Variants in ABHD17C observed in about 807,000 individuals in gnomAD.
The protein encoded by ABHD17C is abhydrolase domain containing 17C, depalmitoylase, also known as alpha/beta hydrolase domain-containing protein 17C.
A neutral mutation model predicts 27.9 loss-of-function variants in ABHD17C; 11 were observed. The ratio of observed to expected loss-of-function variants is 0.39; its 90% CI spans 0.25 to 0.65. The LOEUF (loss-of-function observed/expected upper bound fraction) is 0.65, where lower values mean the gene tolerates loss of function less well. Among genes scored for constraint, ABHD17C ranks in the 30% least tolerant of loss-of-function variants. The probability of loss-of-function intolerance (pLI) is 0.45; values close to 1 mark genes in which losing one functional copy is unlikely to be tolerated. For missense variants in ABHD17C, 280 were observed against 470.2 expected (o/e 0.60, Z 3.74); for synonymous variants, 233 against 209.1 (o/e 1.11, Z -0.98).
intron 1 of ABHD17C, among the ~76,000 whole-genome samples, chr15:80,741,125 C>T (rs1245863715): frequency 2.6e-5 from 4 of 152,140 alleles, no homozygotes; most frequent in African/African-American, 4.8e-5. Context: ...TGCTTCTGCT[C>T]GTGCTCCCCT....
chr15:80,751,178 C>A (rs911634192), intron 2 of ABHD17C, among the ~76,000 whole-genome samples: 1 of 148,356 alleles, frequency 6.7e-6, no homozygotes, highest in Admixed American at 6.9e-5. Context: ...GGTGAAACCC[C>A]GTCTCTACTA....
In ABHD17C at chr15:80,754,389, A is replaced by C. The variant is rs1380024439; in HGVS notation, c.*19A>C. The C allele has an allele frequency of 1.3e-6, 2 of 1,592,466 alleles. No individual in the cohort carries two copies. The highest frequency in any genetic ancestry group is 2.2e-5 in the South Asian group (2 of 89,168). The stretch of plus-strand genomic sequence containing the variant: ...TTCCTGAAGACAACAACTTGATCTT[A>C]CCTCATTTACTGTGAACAGAAGAGT... On this transcript the variant is annotated 3_prime_UTR_variant, in exon 3 of 3. Coordinates refer to ENST00000258884, the MANE Select transcript of ABHD17C (RefSeq NM_021214.2).
At position 80,751,310 on chromosome 15, in the gene ABHD17C, A is replaced by T. The variant is rs145230741; in HGVS notation, c.770+1618A>T. On this transcript the variant is annotated intron_variant, in intron 2 of 2. Coordinates refer to ENST00000258884, the MANE Select transcript of ABHD17C (RefSeq NM_021214.2). ...AGGAGGCGGAGGTTGCAGTGAGCCGAGATCGCACCACTTCACTCCAGCCTA... is the reference window on the plus strand; with the variant it reads ...AGGAGGCGGAGGTTGCAGTGAGCCGTGATCGCACCACTTCACTCCAGCCTA... 3.3e-3 allele frequency among the ~76,000 whole-genome samples: 495 copies of T among 152,248 alleles called. 8 individuals carry two copies. In the East Asian group the frequency reaches 0.064, roughly 20 times the overall value.
chr15:80,715,520 G>A (rs1023187136), intron 1 of ABHD17C, among the ~76,000 whole-genome samples: 2 of 152,194 alleles, frequency 1.3e-5, no homozygotes, highest in African/African-American at 4.8e-5. Flanking sequence ...TGTTTGCAAA[G>A]TGCTTACATG....
intron 1 of ABHD17C, among the ~76,000 whole-genome samples, chr15:80,702,164 G>T (rs1894582282): frequency 6.6e-6 from 1 of 152,234 alleles, no homozygotes; most frequent in Non-Finnish European, 1.5e-5. Flanking sequence ...TTCATTTAGT[G>T]CACTCTTAGA....
At chr15:80,752,541 C>T (rs996858895) in intron 2 of ABHD17C, among the ~76,000 whole-genome samples, 2 of 152,230 alleles carry the variant, frequency 1.3e-5, no homozygotes, top group Non-Finnish European at 2.9e-5. Flanking sequence ...ATTCCTCTCT[C>T]ACTGTGTTTC....
chr15:80,735,096 T>C (rs1895111230), intron 1 of ABHD17C, among the ~76,000 whole-genome samples: 1 of 152,188 alleles, frequency 6.6e-6, no homozygotes, highest in Non-Finnish European at 1.5e-5. Context: ...CTTGTCTTCC[T>C]CTGCACTGTG....
In ABHD17C at chr15:80,705,121, G is replaced by A. The variant is rs541864124; in HGVS notation, c.590+9102G>A. The A allele has an allele frequency of 5.9e-5, 9 of 152,858 alleles. No homozygotes were observed. In the South Asian group the frequency reaches 1.9e-3, roughly 32 times the overall value. The allele number at this position is 152,858 out of a possible 1,614,324, so 9.5% of individuals were successfully genotyped here. Reference sequence around the variant, plus strand: ...AAGGCAGGAGAAAAGAGGCAAGAGAGGGAAGATGGCCAAAACTTGATGGTG... The same window carrying A: ...AAGGCAGGAGAAAAGAGGCAAGAGAAGGAAGATGGCCAAAACTTGATGGTG... On this transcript the variant is annotated intron_variant, in intron 1 of 2. Transcript: ENST00000258884.
intron 1 of ABHD17C, among the ~76,000 whole-genome samples, chr15:80,737,951 A>G (rs1445464293): frequency 1.3e-5 from 2 of 152,218 alleles, no homozygotes; most frequent in Non-Finnish European, 2.9e-5. Flanking sequence ...ACAAAGCAGC[A>G]TAAAAAAAGT....
chr15:80,699,280 G>C (rs1012420720), intron 1 of ABHD17C, among the ~76,000 whole-genome samples: 5 of 152,180 alleles, frequency 3.3e-5, no homozygotes, highest in African/African-American at 1.2e-4. Context: ...GTAGTCATTG[G>C]TATTTGTTGA....
intron 1 of ABHD17C, among the ~76,000 whole-genome samples, chr15:80,698,530 G>A (rs1894529283): frequency 6.6e-6 from 1 of 152,138 alleles, no homozygotes; most frequent in South Asian, 2.1e-4. Flanking sequence ...GTACTCTTGC[G>A]AGGGCACCAT....
intron 1 of ABHD17C, among the ~76,000 whole-genome samples, chr15:80,719,743 T>G (rs937790775): frequency 6.6e-6 from 1 of 152,238 alleles, no homozygotes; most frequent in African/African-American, 2.4e-5. Context: ...AATTTCATCT[T>G]TGAATCATGA....
intron 1 of ABHD17C, among the ~76,000 whole-genome samples, chr15:80,723,001 G>A (rs889087114): frequency 2.0e-5 from 3 of 152,172 alleles, no homozygotes; most frequent in African/African-American, 2.4e-5. Flanking sequence ...TTGTGGATAC[G>A]GAGGACCAAC....
chr15:80,702,271 G>A (rs1212176608), intron 1 of ABHD17C, among the ~76,000 whole-genome samples: 2 of 152,112 alleles, frequency 1.3e-5, no homozygotes, highest in East Asian at 1.9e-4. Context: ...GGCTGAGGTG[G>A]GAGGATTGCT....
intron 1 of ABHD17C, among the ~76,000 whole-genome samples, chr15:80,713,649 A>G (rs537418645): frequency 2.0e-5 from 3 of 151,888 alleles, no homozygotes; most frequent in Non-Finnish European, 4.4e-5. Flanking sequence ...CTCTACTAAA[A>G]ATACAAAAAA....
chr15:80,720,356 G>A (rs541174845), intron 1 of ABHD17C, among the ~76,000 whole-genome samples: 1 of 151,902 alleles, frequency 6.6e-6, no homozygotes, highest in Non-Finnish European at 1.5e-5. Context: ...TTTTGCTAGA[G>A]GAAGTTTGTA....
chr15:80,742,462 T>C (rs1402437439), intron 1 of ABHD17C, among the ~76,000 whole-genome samples: 2 of 152,198 alleles, frequency 1.3e-5, no homozygotes, highest in Non-Finnish European at 2.9e-5. Flanking sequence ...AGAGAGATAA[T>C]TTTCCTGTTG....
At chr15:80,734,110 G>A (rs963212364) in intron 1 of ABHD17C, among the ~76,000 whole-genome samples, 7 of 151,628 alleles carry the variant, frequency 4.6e-5, no homozygotes, top group Non-Finnish European at 7.4e-5. Context: ...TCAACCTCCC[G>A]AGTAGCTGGG....
chr15:80,713,689 A>G (rs1894761469), intron 1 of ABHD17C, among the ~76,000 whole-genome samples: 1 of 151,882 alleles, frequency 6.6e-6, no homozygotes, highest in African/African-American at 2.4e-5. Context: ...GGCGCCTGTA[A>G]TCCCAACTAC....
Sources: allele counts gnomAD v4.1 joint callset (sites outside exome capture counted in the v4.1 genomes callset), GRCh38; gene constraint gnomAD v4.1.1; transcripts MANE v1.5; gene names NCBI Gene and HGNC (gene_info 2026-07-23, HGNC 2026-07-21).